The following NAALADL2 variants were observed in gnomAD, a reference collection of about 807,000 sequenced individuals.
NAALADL2 encodes N-acetylated alpha-linked acidic dipeptidase like 2.
A neutral mutation model predicts 87.2 loss-of-function variants in NAALADL2; 76 were observed. That is an observed-to-expected ratio of 0.87 (90% CI 0.72 to 1.05). NAALADL2 has a LOEUF of 1.05. Among genes scored for constraint, NAALADL2 ranks in the 50% least tolerant of loss-of-function variants. NAALADL2 has a pLI of 0.00. For missense variants in NAALADL2, 1,089 were observed against 945.8 expected (o/e 1.15, Z -1.99); for synonymous variants, 354 against 331.0 (o/e 1.07, Z -0.75).
At chr3:174,995,134 G>A (rs116624061) in intron 1 of NAALADL2, among the ~76,000 whole-genome samples, 1,780 of 150,660 alleles carry the variant, frequency 0.012, 13 homozygotes, top group Middle Eastern at 0.038. Context: ...AAAAATAATA[G>A]CAAAAAAAAA....
At chr3:175,451,564 A>G (rs1721582641) in intron 6 of NAALADL2, among the ~76,000 whole-genome samples, 1 of 152,180 alleles carries the variant, frequency 6.6e-6, no homozygotes, top group South Asian at 2.1e-4. Flanking sequence ...AAAATTCATG[A>G]CTATAATAAT....
chr3:175,633,065 G>A (rs1728019323), intron 11 of NAALADL2, among the ~76,000 whole-genome samples: 1 of 152,004 alleles, frequency 6.6e-6, no homozygotes, highest in South Asian at 2.1e-4. Context: ...AGAGTAAAAT[G>A]AGACAGGCTA....
intron 5 of NAALADL2, among the ~76,000 whole-genome samples, chr3:175,354,459 A>C (rs1764119469): frequency 6.6e-6 from 1 of 152,252 alleles, no homozygotes; most frequent in African/African-American, 2.4e-5. Flanking sequence ...GACAGAAGAA[A>C]ATATTTTTTC....
intron 1 of NAALADL2, among the ~76,000 whole-genome samples, chr3:174,975,109 G>A (rs1426203586): frequency 1.3e-5 from 2 of 151,994 alleles, no homozygotes; most frequent in South Asian, 2.1e-4. Context: ...CTTAATATAG[G>A]AATTATGCCA....
chr3:175,287,476 T>C (rs538692415), intron 4 of NAALADL2, among the ~76,000 whole-genome samples: 24 of 152,228 alleles, frequency 1.6e-4, no homozygotes, highest in Admixed American at 1.2e-3. Flanking sequence ...TAACAACCCA[T>C]TGAAGGAGGT....
chr3:174,521,426 C>T (rs535162654), intron 1 of NAALADL2, among the ~76,000 whole-genome samples: 9 of 151,622 alleles, frequency 5.9e-5, no homozygotes, highest in African/African-American at 2.2e-4. Context: ...ATTAGCCGGG[C>T]GTGGTGATGC....
chr3:175,129,185 T>C (rs547551450), intron 2 of NAALADL2, among the ~76,000 whole-genome samples: 9 of 152,228 alleles, frequency 5.9e-5, no homozygotes, highest in African/African-American at 2.2e-4. Flanking sequence ...CTTCATGTGA[T>C]CTTCCTGTCT....
intron 1 of NAALADL2, among the ~76,000 whole-genome samples, chr3:174,872,212 C>G (rs1727914429): frequency 1.3e-5 from 2 of 152,134 alleles, no homozygotes; most frequent in Admixed American, 6.5e-5. Flanking sequence ...AGAGTAGCTA[C>G]TAACTGGTAA....
chr3:175,551,088 G>A (rs1056651054), intron 9 of NAALADL2, among the ~76,000 whole-genome samples: 6 of 128,624 alleles, frequency 4.7e-5, no homozygotes, highest in African/African-American at 1.2e-4. Flanking sequence ...GTGTCTCTGC[G>A]TGTGTGTGTG....
intron 11 of NAALADL2, 40 bp from the exon 12 acceptor site, chr3:175,737,266 T>C: frequency 8.7e-7 from 1 of 1,155,708 alleles, no homozygotes; most frequent in African/African-American, 1.5e-5. Flanking sequence ...AACTCCTAAT[T>C]ACTGAATGCT....
chr3:175,097,331 T>A, intron 2 of NAALADL2, 40 bp downstream of exon 2: 1 of 1,560,104 alleles, frequency 6.4e-7, no homozygotes, highest in Non-Finnish European at 8.7e-7. Flanking sequence ...AATGCATTTC[T>A]TGGGAAAAAT....
chr3:174,470,750 G>A (rs1342515514), intron 1 of NAALADL2, among the ~76,000 whole-genome samples: 2 of 151,954 alleles, frequency 1.3e-5, no homozygotes, highest in Admixed American at 6.6e-5. Flanking sequence ...GTTTATTTTT[G>A]TCAACTTAAT....
chr3:175,356,116 G>GTTTA (rs966129216), intron 5 of NAALADL2, among the ~76,000 whole-genome samples: 9 of 152,024 alleles, frequency 5.9e-5, no homozygotes, highest in Non-Finnish European at 1.3e-4. Flanking sequence ...CTGAAACAGT[G>GTTTA]TTTACTAAAT....
chr3:175,635,785 A>G (rs1360682142), intron 11 of NAALADL2, among the ~76,000 whole-genome samples: 1 of 152,164 alleles, frequency 6.6e-6, no homozygotes, highest in Non-Finnish European at 1.5e-5. Context: ...GAATAATACC[A>G]TTCTCAAGGT....
At chr3:175,248,745 A>G (rs1173180147) in intron 3 of NAALADL2, among the ~76,000 whole-genome samples, 1 of 152,184 alleles carries the variant, frequency 6.6e-6, no homozygotes, top group Non-Finnish European at 1.5e-5. Context: ...TTATCTGCAT[A>G]TGCCACATCT....
intron 3 of NAALADL2, among the ~76,000 whole-genome samples, chr3:174,752,131 C>T (rs1273773604): frequency 2.0e-5 from 3 of 152,038 alleles, no homozygotes; most frequent in African/African-American, 7.2e-5. Flanking sequence ...GCGCCCGCCA[C>T]CATGCCCGGC....
intron 5 of NAALADL2, among the ~76,000 whole-genome samples, chr3:175,396,296 C>A (rs934207742): frequency 6.7e-6 from 1 of 148,778 alleles, no homozygotes; most frequent in East Asian, 1.9e-4. Flanking sequence ...GAGTAGGAGG[C>A]CATCTTTCAG....
At chr3:174,674,530 T>C (rs920366913) in intron 2 of NAALADL2, among the ~76,000 whole-genome samples, 1 of 152,010 alleles carries the variant, frequency 6.6e-6, no homozygotes, top group Non-Finnish European at 1.5e-5. Flanking sequence ...CCACCTATCT[T>C]TATGTCGTCT....
chr3:175,727,436 A>G (rs917447497), intron 11 of NAALADL2, among the ~76,000 whole-genome samples: 1 of 152,272 alleles, frequency 6.6e-6, no homozygotes, highest in Admixed American at 6.5e-5. Flanking sequence ...GATAAGTCAC[A>G]GGAGCTCCTA....
Sources: gnomAD v4.1 joint callset for allele counts (sites outside exome capture counted in the v4.1 genomes callset) on GRCh38, gnomAD v4.1.1 for gene constraint, MANE v1.5 for transcripts, NCBI Gene and HGNC (gene_info 2026-07-23, HGNC 2026-07-21) for gene names.